The following DPYD variants were observed in gnomAD, a reference collection of about 807,000 sequenced individuals.
The protein encoded by DPYD is dihydropyrimidine dehydrogenase [NADP(+)].
In DPYD, 109 loss-of-function variants were observed where a neutral mutation model predicts 116.2. The ratio of observed to expected loss-of-function variants is 0.94; its 90% CI spans 0.80 to 1.10. The LOEUF (loss-of-function observed/expected upper bound fraction) is 1.10. Among genes scored for constraint, DPYD ranks in the 50% least tolerant of loss-of-function variants. DPYD has a pLI of 0.00. For missense variants in DPYD, 1,302 were observed against 1,254.5 expected (o/e 1.04, Z -0.57); for synonymous variants, 440 against 432.0 (o/e 1.02, Z -0.23).
intron 2 of DPYD, among the ~76,000 whole-genome samples, chr1:97,843,768 C>T (rs936537302): frequency 9.2e-5 from 14 of 152,242 alleles, no homozygotes; most frequent in African/African-American, 3.4e-4. Flanking sequence ...AAAAAATTTA[C>T]AATACTTTTA....
At chr1:97,337,652 ATTTTTTTT>A (rs67279659) in intron 16 of DPYD, among the ~76,000 whole-genome samples, 21 of 145,372 alleles carry the variant, frequency 1.4e-4, no homozygotes, top group Non-Finnish European at 1.5e-4. Flanking sequence ...GACTTAACAC[ATTTTTTTT>A]TTTTTTTTTT....
chr1:97,284,389 G>T (rs545460481), intron 18 of DPYD, among the ~76,000 whole-genome samples: 1 of 151,966 alleles, frequency 6.6e-6, no homozygotes, highest in African/African-American at 2.4e-5. Flanking sequence ...TGAAATTTTA[G>T]AATGAGTTTC....
chr1:97,312,848 T>C (rs1667596426), intron 16 of DPYD, among the ~76,000 whole-genome samples: 2 of 152,012 alleles, frequency 1.3e-5, no homozygotes, highest in East Asian at 1.9e-4. Context: ...AGTGTGTTCA[T>C]GCTAATATAG....
chr1:97,859,575 T>C (rs1671017944), intron 2 of DPYD, among the ~76,000 whole-genome samples: 1 of 152,136 alleles, frequency 6.6e-6, no homozygotes, highest in Admixed American at 6.5e-5. Flanking sequence ...GACCACCCTA[T>C]ATGTAAGTTC....
rs752108874 is a variant in DPYD at position 97,490,355 on chromosome 1, T to G, written c.1740+25371A>C. On this transcript the variant is annotated intron_variant, in intron 13 of 22. Coordinates refer to ENST00000370192, the MANE Select transcript of DPYD (RefSeq NM_000110.4). ...TGATAATATATTATATATTACATAG[T>G]ATATTATATTATCATATATATTATT... 2.8e-3 allele frequency among the ~76,000 whole-genome samples: 414 copies of G among 147,946 alleles called. 2 individuals are homozygous for G. The Middle Eastern group carries it at 0.032, about 11-fold the overall frequency.
intron 14 of DPYD, among the ~76,000 whole-genome samples, chr1:97,416,862 C>T (rs1206897274): frequency 2.0e-5 from 3 of 152,074 alleles, no homozygotes; most frequent in African/African-American, 7.2e-5. Flanking sequence ...CATGTGCAGC[C>T]TTAAGGATTA....
At chr1:97,519,630 A>G (rs1648491344) in intron 12 of DPYD, among the ~76,000 whole-genome samples, 1 of 152,194 alleles carries the variant, frequency 6.6e-6, no homozygotes, top group Admixed American at 6.5e-5. Context: ...CAAAGAGACT[A>G]TCTACTTTAA....
Position 97,310,897 on chromosome 1 carries a change from C to T in DPYD, c.2059-4600G>A, listed in dbSNP as rs993704934. 7.2e-5 allele frequency among the ~76,000 whole-genome samples: 11 copies of T among 151,838 alleles called. No homozygotes were observed. The South Asian group carries it at 1.5e-3, about 20-fold the overall frequency. Reference sequence around the variant, plus strand: ...AATAAACAAAATTGCTGCATATCCACGCAATGAAATATGATTCAACAACAA... The same window carrying T: ...AATAAACAAAATTGCTGCATATCCATGCAATGAAATATGATTCAACAACAA... On this transcript the variant is annotated intron_variant, in intron 16 of 22. Transcript: ENST00000370192.
chr1:97,436,508 T>C (rs976971312), intron 14 of DPYD, among the ~76,000 whole-genome samples: 1 of 151,958 alleles, frequency 6.6e-6, no homozygotes, highest in Admixed American at 6.6e-5. Flanking sequence ...TTAGATGCTA[T>C]ACTTCCAATG....
intron 12 of DPYD, among the ~76,000 whole-genome samples, chr1:97,541,140 G>C (rs1255066762): frequency 6.6e-6 from 1 of 152,168 alleles, no homozygotes; most frequent in Non-Finnish European, 1.5e-5. Context: ...TTTATAACCA[G>C]TGGTACCCCT....
At chr1:97,701,795 A>AT (rs971063689) in intron 5 of DPYD, among the ~76,000 whole-genome samples, 29 of 151,884 alleles carry the variant, frequency 1.9e-4, no homozygotes, top group African/African-American at 6.5e-4. Flanking sequence ...ATATTTTGTC[A>AT]TTTTCATTCT....
chr1:97,417,730 T>C (rs1005431678), intron 14 of DPYD, among the ~76,000 whole-genome samples: 5 of 152,202 alleles, frequency 3.3e-5, no homozygotes, highest in Non-Finnish European at 4.4e-5. Context: ...TTGAGTCCCA[T>C]ACAATAAGAG....
chr1:97,334,385 G>A (rs1478190266), intron 16 of DPYD, among the ~76,000 whole-genome samples: 1 of 152,086 alleles, frequency 6.6e-6, no homozygotes, highest in African/African-American at 2.4e-5. Context: ...GCTAGCATGG[G>A]GTATGGTTGA....
chr1:97,249,395 G>A (rs1662931980), intron 18 of DPYD, among the ~76,000 whole-genome samples: 1 of 151,666 alleles, frequency 6.6e-6, no homozygotes, highest in African/African-American at 2.4e-5. Context: ...GGGGAGAAAA[G>A]AAAAGAAAAG....
chr1:97,557,201 C>T (rs1459604867), intron 11 of DPYD, among the ~76,000 whole-genome samples: 12 of 150,606 alleles, frequency 8.0e-5, no homozygotes, highest in South Asian at 4.2e-4. Context: ...TTTGATGGGG[C>T]TGTTTGTTTT....
At position 97,250,979 on chromosome 1, in the gene DPYD, A is replaced by G. The variant is rs141469500; in HGVS notation, c.2300-15985T>C. On this transcript the variant is annotated intron_variant, in intron 18 of 22. Transcript: ENST00000370192. ...GAATACATAAATAAGAAGTAGCAAA[A>G]TGTCCATCTCAAAAGTGAGCATCTC... Among the ~76,000 whole-genome samples the G allele has an allele frequency of 4.3e-3, 661 of 152,326 alleles. 7 individuals are homozygous for G. Among genetic ancestry groups the G allele is most frequent in the African/African-American group, 0.015 (642 of 41,576 alleles).
At position 97,206,684 on chromosome 1, in the gene DPYD, AT is replaced by A. The variant is rs1557938317; in HGVS notation, c.2443-13437del. 6.7e-3 allele frequency among the ~76,000 whole-genome samples: 607 copies of A among 90,234 alleles called. 35 individuals carry two copies. The highest frequency in any genetic ancestry group is 0.012 in the East Asian group (17 of 1,466). 59.2% of individuals were successfully genotyped at this position (90,234 alleles called of 152,430 possible). A position where few individuals can be genotyped will look rare whatever the true frequency, so the allele number is the denominator to read the frequency against. The stretch of plus-strand genomic sequence containing the variant: ...TATATATATATATATATATATATAT[AT>A]ATAATCTATATGCTTATAATGCATA... On this transcript the variant is annotated intron_variant, in intron 19 of 22. Coordinates refer to ENST00000370192, the MANE Select transcript of DPYD (RefSeq NM_000110.4).
At chr1:97,388,425 G>A (rs1227772460) in intron 14 of DPYD, among the ~76,000 whole-genome samples, 3 of 151,966 alleles carry the variant, frequency 2.0e-5, no homozygotes, top group Admixed American at 1.3e-4. Flanking sequence ...CTTCACAAAA[G>A]GAAGAAAATA....
intron 1 of DPYD, among the ~76,000 whole-genome samples, chr1:97,892,158 T>A (rs990118001): frequency 2.6e-5 from 4 of 151,832 alleles, no homozygotes; most frequent in Admixed American, 6.6e-5. Flanking sequence ...GATTTCAATA[T>A]AACATTGTGC....
Sources: allele counts gnomAD v4.1 joint callset (sites outside exome capture counted in the v4.1 genomes callset), GRCh38; gene constraint gnomAD v4.1.1; transcripts MANE v1.5; gene names NCBI Gene and HGNC (gene_info 2026-07-23, HGNC 2026-07-21).